The following FGF14 variants were observed in gnomAD, a reference collection of about 807,000 sequenced individuals.
FGF14 encodes the protein fibroblast growth factor 14.
In FGF14, 5 loss-of-function variants were observed where a neutral mutation model predicts 25.5. The observed-to-expected ratio is 0.20, with a 90% CI of 0.10 to 0.41. The LOEUF (loss-of-function observed/expected upper bound fraction) is 0.41. FGF14 is among the 10% of genes least tolerant of loss of function. The pLI is 1.00. For synonymous variants in FGF14, 138 were observed against 118.3 expected (o/e 1.17, Z -1.08); for missense variants, 222 against 320.1 (o/e 0.69, Z 2.34).
At chr13:101,972,088 T>A (rs1316274035) in intron 1 of FGF14, among the ~76,000 whole-genome samples, 3 of 152,218 alleles carry the variant, frequency 2.0e-5, no homozygotes, top group African/African-American at 7.2e-5. Flanking sequence ...CCAATGTGAT[T>A]TTAAGTTTCC....
chr13:101,788,141 G>C (rs956482237), intron 3 of FGF14, among the ~76,000 whole-genome samples: 1 of 152,146 alleles, frequency 6.6e-6, no homozygotes, highest in Non-Finnish European at 1.5e-5. Flanking sequence ...CCAAAGTCTG[G>C]GATGACAGGC....
intron 3 of FGF14, among the ~76,000 whole-genome samples, chr13:101,743,399 A>G (rs2036678884): frequency 6.6e-6 from 1 of 152,200 alleles, no homozygotes; most frequent in African/African-American, 2.4e-5. Flanking sequence ...TTGTTGTTTA[A>G]GGAGGAAAAT....
At chr13:102,074,160 A>G (rs1341258595) in intron 1 of FGF14, among the ~76,000 whole-genome samples, 1 of 152,142 alleles carries the variant, frequency 6.6e-6, no homozygotes, top group East Asian at 1.9e-4. Flanking sequence ...ACAAGTGTGC[A>G]CCACCATACC....
chr13:102,101,011 T>C (rs9557805), intron 1 of FGF14, among the ~76,000 whole-genome samples: 18,603 of 151,782 alleles, frequency 0.12, 1,291 homozygotes, highest in African/African-American at 0.19. Context: ...AGGCGGAAGA[T>C]TTGCTGGAAC....
intron 3 of FGF14, among the ~76,000 whole-genome samples, chr13:101,794,325 A>G (rs1242901375): frequency 6.6e-6 from 1 of 152,020 alleles, no homozygotes; most frequent in East Asian, 1.9e-4. Flanking sequence ...CTACCAAAGG[A>G]AAACATCTGA....
chr13:102,089,647 A>G (rs2044080061), intron 1 of FGF14, among the ~76,000 whole-genome samples: 1 of 152,198 alleles, frequency 6.6e-6, no homozygotes, highest in South Asian at 2.1e-4. Context: ...GTCAACCATT[A>G]CACAATGTAC....
At chr13:102,332,706 C>T (rs1288331072) in intron 1 of FGF14, among the ~76,000 whole-genome samples, 1 of 152,054 alleles carries the variant, frequency 6.6e-6, no homozygotes, top group African/African-American at 2.4e-5. Context: ...TGAAATGTTA[C>T]CATCCTTCTT....
intron 1 of FGF14, among the ~76,000 whole-genome samples, chr13:101,958,166 CAG>C (rs1279008454): frequency 9.2e-5 from 14 of 152,174 alleles, no homozygotes; most frequent in Non-Finnish European, 8.8e-5. Context: ...TTCCTAAACT[CAG>C]AGAGCTTCTC....
chr13:102,246,395 T>G (rs1024204098), intron 1 of FGF14, among the ~76,000 whole-genome samples: 1 of 152,068 alleles, frequency 6.6e-6, no homozygotes, highest in Non-Finnish European at 1.5e-5. Context: ...AGGCTACCTT[T>G]TGAAAATCAA....
chr13:101,832,615 C>G (rs916903103), intron 3 of FGF14, among the ~76,000 whole-genome samples: 1 of 151,858 alleles, frequency 6.6e-6, no homozygotes, highest in African/African-American at 2.4e-5. Context: ...AACCCAAGAA[C>G]GGAGTGGAAG....
chr13:101,827,896 C>T (rs544350244), intron 3 of FGF14, among the ~76,000 whole-genome samples: 85 of 146,442 alleles, frequency 5.8e-4, no homozygotes, highest in African/African-American at 1.8e-3. Flanking sequence ...TTAAGCAAAT[C>T]GTCTTCAAAT....
At chr13:101,766,368 G>A (rs1423407026) in intron 3 of FGF14, among the ~76,000 whole-genome samples, 3 of 151,996 alleles carry the variant, frequency 2.0e-5, no homozygotes, top group Non-Finnish European at 4.4e-5. Context: ...AAATTGGTTG[G>A]TGTTCACATA....
chr13:101,866,278 ACTT>A (rs1345688822), intron 3 of FGF14, among the ~76,000 whole-genome samples: 2 of 152,122 alleles, frequency 1.3e-5, no homozygotes, highest in African/African-American at 4.8e-5. Context: ...TGTGTTTATA[ACTT>A]CTTGTTAGAA....
At position 102,039,627 on chromosome 13, in the gene FGF14, A is replaced by C. The variant is rs1048919565; in HGVS notation, c.209-164331T>G. Among the ~76,000 whole-genome samples, 10 of 152,248 alleles carry C rather than the reference A, an allele frequency of 6.6e-5. No individual in the cohort carries two copies. In the East Asian group the frequency reaches 1.9e-3, roughly 29 times the overall value. ...CTGTGTCCAAATGTTCTTCTTATAA[A>C]GATAACAGTCATATTGGATTATGGC... On this transcript the variant is annotated intron_variant, in intron 1 of 4. Transcript: ENST00000376131.
At chr13:101,770,694 C>T (rs750862053) in intron 3 of FGF14, among the ~76,000 whole-genome samples, 1 of 152,056 alleles carries the variant, frequency 6.6e-6, no homozygotes, top group Admixed American at 6.6e-5. Flanking sequence ...TAAGAAACTA[C>T]AAAAGCTAAA....
chr13:102,387,262 G>A (rs1033735533), intron 1 of FGF14, among the ~76,000 whole-genome samples: 8 of 152,228 alleles, frequency 5.3e-5, no homozygotes, highest in African/African-American at 1.9e-4. Flanking sequence ...CAAACATCCA[G>A]GAGCCAGATA....
At chr13:102,352,032 G>A (rs908640269) in intron 1 of FGF14, among the ~76,000 whole-genome samples, 3 of 152,036 alleles carry the variant, frequency 2.0e-5, no homozygotes, top group African/African-American at 7.2e-5. Context: ...ATTTCCACTG[G>A]GGAAAAAGTG....
intron 1 of FGF14, among the ~76,000 whole-genome samples, chr13:102,050,785 A>G (rs1595111968): frequency 6.6e-6 from 1 of 152,198 alleles, no homozygotes; most frequent in African/African-American, 2.4e-5. Context: ...GAGAAAAAAA[A>G]CATAGAATAT....
chr13:101,791,265 C>T (rs1056382613), intron 3 of FGF14, among the ~76,000 whole-genome samples: 7 of 152,102 alleles, frequency 4.6e-5, no homozygotes, highest in African/African-American at 1.7e-4. Flanking sequence ...GTGCTGTAAC[C>T]GGCATGAAAT....
Sources: gnomAD v4.1 joint callset for allele counts (sites outside exome capture counted in the v4.1 genomes callset) on GRCh38, gnomAD v4.1.1 for gene constraint, MANE v1.5 for transcripts, NCBI Gene and HGNC (gene_info 2026-07-23, HGNC 2026-07-21) for gene names.